The following IFNG-AS1 variants were observed in gnomAD, a reference collection of about 807,000 sequenced individuals.
The protein encoded by IFNG-AS1 is IFNG antisense RNA 1 (non-protein coding).
intron 2 of IFNG-AS1, among the ~76,000 whole-genome samples, chr12:68,001,886 T>C (rs1460567339): frequency 6.6e-6 from 1 of 152,116 alleles, no homozygotes; most frequent in Admixed American, 6.5e-5. Flanking sequence ...CAGCATGCAC[T>C]GAGGGCCACA....
rs140923258 is a variant in IFNG-AS1, at chr12:68,004,242, T to C, written n.185-1848T>C. Among the ~76,000 whole-genome samples, 4 of 152,336 alleles carry C rather than the reference T, an allele frequency of 2.6e-5. No individual in the cohort carries two copies. In the East Asian group the frequency reaches 7.7e-4, roughly 29 times the overall value. On this transcript the variant is annotated intron_variant and non_coding_transcript_variant, in intron 2 of 5. Coordinates refer to ENST00000536914, the Ensembl canonical transcript of IFNG-AS1. ...TACCAATGCATGGACAGCACTCTTT[T>C]ATACTTGTCAATATTCAGTACTAAA...
intron 1 of IFNG-AS1, among the ~76,000 whole-genome samples, chr12:67,992,933 C>A (rs996523294): frequency 4.6e-5 from 7 of 152,132 alleles, no homozygotes; most frequent in African/African-American, 9.7e-5. Context: ...CAGTTGATAA[C>A]CACCATGAAC....
At chr12:68,010,295 GAGTAA>G (rs1231156479) in intron 3 of IFNG-AS1, among the ~76,000 whole-genome samples, 1 of 152,174 alleles carries the variant, frequency 6.6e-6, no homozygotes, top group African/African-American at 2.4e-5. Context: ...TTTCAAAGCT[GAGTAA>G]TGTATAGGCC....
In IFNG-AS1 at chr12:68,003,323, C is replaced by A. The variant is rs1406923712; in HGVS notation, n.185-2767C>A. On this transcript the variant is annotated intron_variant and non_coding_transcript_variant, in intron 2 of 5. Transcript: ENST00000536914. ...CAGGCTGTTCTTATTGTTGTGATACCTTTGGGAACACAAATGGAGTTGAGT... is the reference window on the plus strand; with the variant it reads ...CAGGCTGTTCTTATTGTTGTGATACATTTGGGAACACAAATGGAGTTGAGT... 2.6e-5 allele frequency among the ~76,000 whole-genome samples: 4 copies of A among 151,902 alleles called. No homozygotes were observed. In the East Asian group the frequency reaches 7.7e-4, roughly 29 times the overall value.
chr12:68,014,712 C>T lies in IFNG-AS1; in HGVS notation n.242-5150C>T, dbSNP rs200162729. ...CTTTCCTGAGTCTTCAGTCTGCCAA[C>T]CTTCTCCATCAGATTTTGAACTGGC... On this transcript the variant is annotated intron_variant and non_coding_transcript_variant, in intron 3 of 5. Transcript: ENST00000536914. 9.2e-5 allele frequency among the ~76,000 whole-genome samples: 14 copies of T among 152,164 alleles called. No homozygotes were observed. The East Asian group carries it at 2.7e-3, about 29-fold the overall frequency.
At position 68,020,716 on chromosome 12, in the gene IFNG-AS1, G is replaced by A. The variant is rs555579640; in HGVS notation, n.278+818G>A. On this transcript the variant is annotated intron_variant and non_coding_transcript_variant, in intron 4 of 5. Coordinates refer to ENST00000536914, the Ensembl canonical transcript of IFNG-AS1. ...ACCAAGAAGAGCCAACAGAGTTTTC[G>A]TTGAATCAACTCTTATATTCCCTTA... The A allele has an allele frequency of 5.3e-5, 8 of 152,226 alleles. No homozygotes were observed. In the South Asian group the frequency reaches 1.0e-3, roughly 20 times the overall value. 9.4% of individuals were successfully genotyped at this position (152,226 alleles called of 1,614,324 possible). A position where few individuals can be genotyped will look rare whatever the true frequency, so the allele number is the denominator to read the frequency against.
intron 1 of IFNG-AS1, among the ~76,000 whole-genome samples, chr12:67,993,011 C>T (rs191428323): frequency 1.1e-4 from 17 of 152,126 alleles, no homozygotes; most frequent in Admixed American, 2.0e-4. Flanking sequence ...ATGAAGTAGC[C>T]GAAAATCTGA....
chr12:68,002,457 T>C (rs1341575834), intron 2 of IFNG-AS1, among the ~76,000 whole-genome samples: 2 of 152,240 alleles, frequency 1.3e-5, no homozygotes, highest in Non-Finnish European at 2.9e-5. Context: ...TTTACATTTC[T>C]ATGTTCTTCC....
At chr12:68,015,215 G>A (rs1224584258) in intron 3 of IFNG-AS1, among the ~76,000 whole-genome samples, 1 of 152,056 alleles carries the variant, frequency 6.6e-6, no homozygotes, top group African/African-American at 2.4e-5. Flanking sequence ...ATGCAGGCAG[G>A]GGCTTCAACT....
chr12:67,996,230 T>C (rs562948563), intron 2 of IFNG-AS1, among the ~76,000 whole-genome samples: 9 of 152,284 alleles, frequency 5.9e-5, no homozygotes, highest in African/African-American at 2.2e-4. Flanking sequence ...AAGTAAGTGA[T>C]CAAAATACCG....
chr12:68,018,467 C>T (rs1253549874), intron 3 of IFNG-AS1, among the ~76,000 whole-genome samples: 1 of 152,150 alleles, frequency 6.6e-6, no homozygotes, highest in African/African-American at 2.4e-5. Context: ...AGAAAACATT[C>T]ACCCTACATG....
rs77791963 is a variant in IFNG-AS1, at chr12:67,993,490, T to C, written n.52-2451T>C. Among the ~76,000 whole-genome samples the C allele has an allele frequency of 1.3e-3, 205 of 152,358 alleles. 1 individual carries two copies. The highest frequency in any genetic ancestry group is 4.7e-3 in the African/African-American group (194 of 41,592). The stretch of plus-strand genomic sequence containing the variant: ...GAAATAAACTATATGTATATGTGCA[T>C]ATCAAAAACAGTTCCATCTCTATCT... On this transcript the variant is annotated intron_variant and non_coding_transcript_variant, in intron 1 of 5. Transcript: ENST00000536914.
At chr12:67,998,528 T>G (rs939333311) in intron 2 of IFNG-AS1, among the ~76,000 whole-genome samples, 32 of 148,742 alleles carry the variant, frequency 2.2e-4, no homozygotes, top group African/African-American at 7.4e-4. Flanking sequence ...CAGGAAGGAG[T>G]TGGGGTGCAG....
rs1879800520 is a variant in IFNG-AS1, at chr12:68,002,839, G to A, written n.185-3251G>A. Among the ~76,000 whole-genome samples, 4 of 152,190 alleles carry A rather than the reference G, an allele frequency of 2.6e-5. No individual in the cohort carries two copies. In the South Asian group the frequency reaches 8.3e-4, roughly 32 times the overall value. Reference sequence around the variant, plus strand: ...GGGTTTGAGGATAATCAGGACTGATGCTGCATTTGTGCAGCAGAAAGTATC... The same window carrying A: ...GGGTTTGAGGATAATCAGGACTGATACTGCATTTGTGCAGCAGAAAGTATC... On this transcript the variant is annotated intron_variant and non_coding_transcript_variant, in intron 2 of 5. Coordinates refer to ENST00000536914, the Ensembl canonical transcript of IFNG-AS1.
rs190909582 is a variant in IFNG-AS1, at chr12:68,020,953, G to C, written n.278+1055G>C. ...TTCCCCATATACACGTTCGAGCATG[G>C]GGGAGCAGGAAGCTGGGTAATTGAA... On this transcript the variant is annotated intron_variant and non_coding_transcript_variant, in intron 4 of 5. Coordinates refer to ENST00000536914, the Ensembl canonical transcript of IFNG-AS1. The C allele has an allele frequency of 1.4e-3, 218 of 152,226 alleles. 3 individuals carry two copies. Among genetic ancestry groups the C allele is most frequent in the African/African-American group, 4.9e-3 (203 of 41,516 alleles). The allele number at this position is 152,226 out of a possible 1,614,324, so 9.4% of individuals were successfully genotyped here.
chr12:67,991,911 T>C (rs1879522532), intron 1 of IFNG-AS1, among the ~76,000 whole-genome samples: 1 of 152,244 alleles, frequency 6.6e-6, no homozygotes, highest in Non-Finnish European at 1.5e-5. Context: ...TAAGTGTCCA[T>C]ATGCTTGTCA....
intron 3 of IFNG-AS1, among the ~76,000 whole-genome samples, chr12:68,018,097 A>G (rs1236836577): frequency 1.3e-5 from 2 of 152,172 alleles, no homozygotes; most frequent in Middle Eastern, 3.4e-3. Flanking sequence ...ACCTCAAACC[A>G]CCACCCATCC....
chr12:68,015,915 C>T (rs548729987), intron 3 of IFNG-AS1, among the ~76,000 whole-genome samples: 1 of 149,384 alleles, frequency 6.7e-6, no homozygotes, highest in Admixed American at 6.7e-5. Flanking sequence ...GGTTTAGTGC[C>T]TCCATTTTCC....
intron 3 of IFNG-AS1, among the ~76,000 whole-genome samples, chr12:68,007,862 G>A (rs740420): frequency 0.21 from 31,689 of 152,096 alleles, 3,705 homozygotes; most frequent in East Asian, 0.49. Context: ...TAGATGACTT[G>A]GTGCCCTCAC....
Sources: allele counts gnomAD v4.1 joint callset (sites outside exome capture counted in the v4.1 genomes callset), GRCh38; gene constraint gnomAD v4.1.1; transcripts MANE v1.5; gene names NCBI Gene and HGNC (gene_info 2026-07-23, HGNC 2026-07-21).